The following DDO variants were observed in gnomAD, a reference collection of about 807,000 sequenced individuals.
DDO encodes the protein D-aspartate oxidase.
In DDO, 16 loss-of-function variants were observed where a neutral mutation model predicts 16.8. The observed-to-expected ratio is 0.95, with a 90% CI of 0.65 to 1.45. The LOEUF is 1.45. DDO is among the 40% of genes most tolerant of loss of function. The pLI is 0.00. For synonymous variants in DDO, 180 were observed against 167.2 expected (o/e 1.08, Z -0.59); for missense variants, 429 against 420.3 (o/e 1.02, Z -0.18).
chr6:110,412,443 A>G (rs17071628), intron 2 of DDO, among the ~76,000 whole-genome samples: 6,391 of 152,300 alleles, frequency 0.042, 222 homozygotes, highest in African/African-American at 0.093. Context: ...GCCGCCAATC[A>G]TGTAGTTGTC....
At chr6:110,398,424 ACACTT>A (rs1562260090) in intron 4 of DDO, among the ~76,000 whole-genome samples, 48 of 140,334 alleles carry the variant, frequency 3.4e-4, no homozygotes, top group African/African-American at 1.2e-3. Context: ...ACACACACAC[ACACTT>A]GGCCTCCCAG....
downstream of DDO, among the ~76,000 whole-genome samples, chr6:110,391,609 G>T (rs1773102933): frequency 6.6e-6 from 1 of 151,904 alleles, no homozygotes; most frequent in Non-Finnish European, 1.5e-5. Flanking sequence ...TGCTGGGATT[G>T]CACCAAAGTA....
rs1773119668 is a variant in DDO, at chr6:110,392,176, A to G, written c.*599T>C. On this transcript the variant is annotated 3_prime_UTR_variant, in exon 5 of 5. Transcript: ENST00000368924. ...CTTCAATTAAATGTAATAATCCAGC[A>G]CTGTGTGAGCACAATGTAATTTTAT... The G allele has an allele frequency of 6.1e-6, 6 of 985,296 alleles. No homozygotes were observed. Among genetic ancestry groups the G allele is most frequent in the Non-Finnish European group, 7.2e-6 (6 of 829,792 alleles). 61.0% of individuals were successfully genotyped at this position (985,296 alleles called of 1,614,324 possible). A position where few individuals can be genotyped will look rare whatever the true frequency, so the allele number is the denominator to read the frequency against.
intron 1 of DDO, among the ~76,000 whole-genome samples, chr6:110,414,536 C>A (rs1773980812): frequency 6.6e-6 from 1 of 152,252 alleles, no homozygotes; most frequent in Non-Finnish European, 1.5e-5. Context: ...GAGGCTGGCA[C>A]CCTCTGTCCC....
At chr6:110,410,184 C>T (rs186193190) in intron 2 of DDO, among the ~76,000 whole-genome samples, 15 of 152,346 alleles carry the variant, frequency 9.8e-5, no homozygotes, top group African/African-American at 3.1e-4. Context: ...AGACCAAAGT[C>T]TTTATCTAGC....
At chr6:110,408,183 G>C (rs1259163824) in intron 3 of DDO, 151 bp downstream of exon 3, 1 of 601,744 alleles carries the variant, frequency 1.7e-6, no homozygotes, top group Admixed American at 3.4e-5. Flanking sequence ...TCAGTTCTTT[G>C]GGGTAAAGCC....
chr6:110,400,325 G>C (rs948007404), intron 4 of DDO, among the ~76,000 whole-genome samples: 1 of 150,908 alleles, frequency 6.6e-6, no homozygotes, highest in Non-Finnish European at 1.5e-5. Flanking sequence ...GGAGCTGGGA[G>C]GGTGCGCAGG....
rs1286339790 is a variant in DDO at position 110,413,400 on chromosome 6, G to A, written c.63C>T (p.Cys21=). The change falls in exon 2 of 5, where the codon TGC becomes TGT. Residue 21 remains cysteine (C), a synonymous_variant. Coordinates refer to ENST00000368924, the MANE Select transcript of DDO (RefSeq NM_001372108.2). ...AGCATCGGGGCACCAGTTTGGAGAT[G>A]CACACAGCCGTGGAGAGCCCCACCA... is the stretch of plus-strand genomic sequence containing the variant. The part of the protein sequence containing the change: ...AGVVGLSTAV[C]ISKLVPRCSV... 6.2e-7 allele frequency: 1 copy of A among 1,613,988 alleles called. No individual in the cohort carries two copies. The highest frequency in any genetic ancestry group is 1.3e-5 in the African/African-American group (1 of 74,904).
At chr6:110,413,114 G>C (rs1773914320) in intron 2 of DDO, among the ~76,000 whole-genome samples, 177 bp downstream of exon 2, 1 of 152,104 alleles carries the variant, frequency 6.6e-6, no homozygotes, top group Non-Finnish European at 1.5e-5. Context: ...CTCCACTTTA[G>C]CCTGGGTGAC....
chr6:110,390,793 A>G (rs143024000), downstream of DDO, among the ~76,000 whole-genome samples: 223 of 152,344 alleles, frequency 1.5e-3, no homozygotes, highest in African/African-American at 4.9e-3. Context: ...CTGTTTTATC[A>G]TAACCTTTTA....
At chr6:110,389,039 G>C (rs1172074388), downstream of DDO, among the ~76,000 whole-genome samples, 1 of 152,178 alleles carries the variant, frequency 6.6e-6, no homozygotes, top group Admixed American at 6.5e-5. Flanking sequence ...GTATATATGA[G>C]GATATCTTTG....
chr6:110,414,975 C>A (rs1228841050), intron 1 of DDO, among the ~76,000 whole-genome samples: 1 of 152,258 alleles, frequency 6.6e-6, no homozygotes, highest in Non-Finnish European at 1.5e-5. Context: ...AAGATTCTCG[C>A]ACTATGAGAC....
At chr6:110,405,694 G>C (rs1189838600) in intron 3 of DDO, among the ~76,000 whole-genome samples, 1 of 152,112 alleles carries the variant, frequency 6.6e-6, no homozygotes, top group Non-Finnish European at 1.5e-5. Flanking sequence ...AGGCCGAGGG[G>C]AAGTTCGAGA....
intron 2 of DDO, among the ~76,000 whole-genome samples, chr6:110,412,156 G>T (rs1422141076): frequency 6.6e-6 from 1 of 151,824 alleles, no homozygotes. Context: ...TGAGGCATGA[G>T]AATCTCTTGA....
chr6:110,413,503 T>C (rs372932983), intron 1 of DDO, 37 bp from the exon 2 acceptor site: 15 of 1,592,702 alleles, frequency 9.4e-6, no homozygotes, highest in Admixed American at 1.8e-5. Flanking sequence ...CCCCTTGTTT[T>C]AAGGATTTTC....
chr6:110,406,915 A>C (rs1773676637), intron 3 of DDO, among the ~76,000 whole-genome samples: 1 of 152,214 alleles, frequency 6.6e-6, no homozygotes, highest in Admixed American at 6.5e-5. Flanking sequence ...GTCCCAGTGA[A>C]TTTGGTAACT....
intron 2 of DDO, among the ~76,000 whole-genome samples, chr6:110,409,018 C>T (rs966666386): frequency 1.3e-5 from 2 of 152,212 alleles, no homozygotes; most frequent in Non-Finnish European, 2.9e-5. Flanking sequence ...GAGCCCCCTG[C>T]AGGCCAGACT....
chr6:110,399,061 C>G (rs1410656461), intron 4 of DDO, among the ~76,000 whole-genome samples: 1 of 152,080 alleles, frequency 6.6e-6, no homozygotes, highest in Non-Finnish European at 1.5e-5. Flanking sequence ...TGGAAGGAGC[C>G]AGTAATAAAG....
downstream of DDO, chr6:110,391,764 C>CA (rs1392598259): frequency 6.6e-6 from 1 of 152,100 alleles, no homozygotes; most frequent in Non-Finnish European, 1.5e-5. Flanking sequence ...AGGCCTGAGT[C>CA]AAAAAACAGG....
Sources: allele counts gnomAD v4.1 joint callset (sites outside exome capture counted in the v4.1 genomes callset), GRCh38; gene constraint gnomAD v4.1.1; transcripts MANE v1.5; gene names NCBI Gene and HGNC (gene_info 2026-07-23, HGNC 2026-07-21).